HCN1: variants seen among roughly 807,000 people sequenced by gnomAD.
HCN1 encodes potassium/sodium hyperpolarization-activated cyclic nucleotide-gated channel 1.
In HCN1, 13 loss-of-function variants were observed where a neutral mutation model predicts 78.9. The ratio of observed to expected loss-of-function variants is 0.16; its 90% CI spans 0.11 to 0.26. The LOEUF (loss-of-function observed/expected upper bound fraction) is 0.26, where lower values mean the gene tolerates loss of function less well. Ranked by LOEUF, HCN1 falls within the 10% of genes least tolerant of loss-of-function variation. The probability of loss-of-function intolerance (pLI) is 1.00; values close to 1 mark genes in which losing one functional copy is unlikely to be tolerated. For missense variants in HCN1, 810 were observed against 1,154.3 expected (o/e 0.70, Z 4.32); for synonymous variants, 552 against 455.5 (o/e 1.21, Z -2.70).
chr5:45,659,672 G>A (rs1263835900), intron 1 of HCN1, among the ~76,000 whole-genome samples: 6 of 140,300 alleles, frequency 4.3e-5, no homozygotes, highest in African/African-American at 1.1e-4. Flanking sequence ...AGCCTCAGGA[G>A]CCGATGCAAT....
chr5:45,619,863 C>T (rs1745023042), intron 2 of HCN1, among the ~76,000 whole-genome samples: 1 of 152,004 alleles, frequency 6.6e-6, no homozygotes, highest in African/African-American at 2.4e-5. Context: ...TAATTTCTCT[C>T]TCCTTGAGTA....
At chr5:45,524,009 C>G (rs1304892370) in intron 2 of HCN1, among the ~76,000 whole-genome samples, 1 of 152,088 alleles carries the variant, frequency 6.6e-6, no homozygotes, top group African/African-American at 2.4e-5. Context: ...ACATTTAAGT[C>G]TTTAATCCAT....
At chr5:45,609,243 T>TA (rs1384059022) in intron 2 of HCN1, among the ~76,000 whole-genome samples, 3 of 152,064 alleles carry the variant, frequency 2.0e-5, no homozygotes, top group Non-Finnish European at 2.9e-5. Flanking sequence ...AGAAAAATCT[T>TA]AGAAATGTAC....
At chr5:45,341,350 T>A (rs1453640519) in intron 5 of HCN1, among the ~76,000 whole-genome samples, 1 of 152,198 alleles carries the variant, frequency 6.6e-6, no homozygotes, top group East Asian at 1.9e-4. Context: ...CTTTCACAAT[T>A]CTGACTCAAA....
At chr5:45,673,870 T>C (rs1746210051) in intron 1 of HCN1, among the ~76,000 whole-genome samples, 1 of 151,632 alleles carries the variant, frequency 6.6e-6, no homozygotes, top group East Asian at 1.9e-4. Context: ...ATTTCAAGTA[T>C]GAAATTCTAA....
In HCN1 at chr5:45,696,087, C is replaced by T; in HGVS notation, c.7G>A (p.Gly3Arg). The T allele has an allele frequency of 7.4e-7, 1 of 1,345,234 alleles. No individual in the cohort carries two copies. The highest frequency in any genetic ancestry group is 1.5e-5 in the South Asian group (1 of 67,058). 83.3% of individuals were successfully genotyped at this position (1,345,234 alleles called of 1,614,324 possible). A position where few individuals can be genotyped will look rare whatever the true frequency, so the allele number is the denominator to read the frequency against. ...GACGAAGAGTTGGGCTTGCCGCCTCCTTCCATGCCCGGAGGACGCGGCCGG... is the reference window on the plus strand; with the variant it reads ...GACGAAGAGTTGGGCTTGCCGCCTCTTTCCATGCCCGGAGGACGCGGCCGG... MEGGGKPNSSSNS... is the reference protein window; with the variant it reads MERGGKPNSSSNS... Residue 3 changes from glycine to arginine, a missense_variant, in exon 1 of 8, where the codon GGA becomes AGA. By Grantham distance (125) the Gly-to-Arg change is moderately radical. Coordinates refer to ENST00000303230, the MANE Select transcript of HCN1 (RefSeq NM_021072.4).
intron 5 of HCN1, among the ~76,000 whole-genome samples, chr5:45,312,253 T>C (rs1296597722): frequency 2.0e-5 from 3 of 152,174 alleles, no homozygotes; most frequent in African/African-American, 4.8e-5. Flanking sequence ...AGATTTTAAA[T>C]TGAATTTTAT....
At chr5:45,310,529 T>G (rs915202247) in intron 5 of HCN1, among the ~76,000 whole-genome samples, 3 of 152,042 alleles carry the variant, frequency 2.0e-5, no homozygotes, top group Non-Finnish European at 4.4e-5. Context: ...ATGCTGGTGA[T>G]GTTGTGGATA....
chr5:45,576,230 T>C (rs1376861991), intron 2 of HCN1: 1 of 152,136 alleles, frequency 6.6e-6, no homozygotes, highest in African/African-American at 2.4e-5. Context: ...AATGAGAAGT[T>C]GCTTATAGAT....
At chr5:45,569,831 C>T (rs538496418) in intron 2 of HCN1, among the ~76,000 whole-genome samples, 1 of 152,112 alleles carries the variant, frequency 6.6e-6, no homozygotes, top group East Asian at 1.9e-4. Flanking sequence ...TCATCATCAT[C>T]ATCATCATCC....
In HCN1 at chr5:45,583,256, G is replaced by C. The variant is rs532669008; in HGVS notation, c.849+61929C>G. On this transcript the variant is annotated intron_variant, in intron 2 of 7. Coordinates refer to ENST00000303230, the MANE Select transcript of HCN1 (RefSeq NM_021072.4). Reference sequence around the variant, plus strand: ...ACTTCTTACTGGTTTAGTCTTGGGAGGGTGTACGTGTCGAGGAATTTATCC... The same window carrying C: ...ACTTCTTACTGGTTTAGTCTTGGGACGGTGTACGTGTCGAGGAATTTATCC... 7.2e-3 allele frequency among the ~76,000 whole-genome samples: 1,098 copies of C among 152,300 alleles called. 10 individuals carry two copies. Among genetic ancestry groups the C allele is most frequent in the African/African-American group, 0.025 (1,050 of 41,566 alleles).
intron 2 of HCN1, among the ~76,000 whole-genome samples, chr5:45,499,573 T>C (rs1445971709): frequency 6.6e-6 from 1 of 152,210 alleles, no homozygotes; most frequent in East Asian, 1.9e-4. Context: ...CTGGGAGCTG[T>C]AGACTGGAGC....
chr5:45,272,338 A>C (rs1294870913), intron 6 of HCN1, among the ~76,000 whole-genome samples: 10 of 152,062 alleles, frequency 6.6e-5, no homozygotes, highest in Non-Finnish European at 1.5e-4. Context: ...ACTATCCTTT[A>C]GGTACCTTAG....
At chr5:45,315,641 G>T (rs571562637) in intron 5 of HCN1, among the ~76,000 whole-genome samples, 41 of 152,146 alleles carry the variant, frequency 2.7e-4, no homozygotes, top group Admixed American at 1.2e-3. Flanking sequence ...TTTTTGAAAA[G>T]ATCAAGAAAA....
At position 45,365,208 on chromosome 5, in the gene HCN1, A is replaced by C. The variant is rs549134602; in HGVS notation, c.1231-11962T>G. ...TATTTTTATTTTTATTTTTCATGTTAGATTTAGGGAATTCATGTGTTTGTT... is the reference window on the plus strand; with the variant it reads ...TATTTTTATTTTTATTTTTCATGTTCGATTTAGGGAATTCATGTGTTTGTT... On this transcript the variant is annotated intron_variant, in intron 4 of 7. Coordinates refer to ENST00000303230, the MANE Select transcript of HCN1 (RefSeq NM_021072.4). Among the ~76,000 whole-genome samples the C allele has an allele frequency of 1.8e-4, 28 of 151,940 alleles. No homozygotes were observed. In the South Asian group the frequency reaches 5.4e-3, roughly 29 times the overall value.
intron 2 of HCN1, among the ~76,000 whole-genome samples, chr5:45,606,455 A>C (rs1744728835): frequency 6.6e-6 from 1 of 152,034 alleles, no homozygotes; most frequent in African/African-American, 2.4e-5. Context: ...GCTAAGCTCT[A>C]GGGGCTTAGA....
At chr5:45,451,283 C>T (rs1265612203) in intron 3 of HCN1, among the ~76,000 whole-genome samples, 1 of 151,812 alleles carries the variant, frequency 6.6e-6, no homozygotes, top group Non-Finnish European at 1.5e-5. Context: ...TTCAAAAGAG[C>T]TACTTATTAA....
chr5:45,335,339 T>A (rs1376294674), intron 5 of HCN1, among the ~76,000 whole-genome samples: 1 of 152,104 alleles, frequency 6.6e-6, no homozygotes, highest in Non-Finnish European at 1.5e-5. Flanking sequence ...GTTCTACTAA[T>A]GAATCTAATT....
At chr5:45,414,766 G>T (rs887293311) in intron 3 of HCN1, among the ~76,000 whole-genome samples, 2 of 151,964 alleles carry the variant, frequency 1.3e-5, no homozygotes, top group African/African-American at 2.4e-5. Context: ...ACAATACACA[G>T]GTTCCCATTC....
Sources: gnomAD v4.1 joint callset for allele counts (sites outside exome capture counted in the v4.1 genomes callset) on GRCh38, gnomAD v4.1.1 for gene constraint, MANE v1.5 for transcripts, NCBI Gene and HGNC (gene_info 2026-07-23, HGNC 2026-07-21) for gene names.